Variants in ZNF391 observed in about 807,000 individuals in gnomAD.
ZNF391 encodes the protein zinc finger protein 391.
For synonymous variants in ZNF391, 126 were observed against 142.1 expected, an observed-to-expected ratio of 0.89 and a Z score of 0.80; for missense variants, 375 against 425.5, an observed-to-expected ratio of 0.88 and a Z score of 1.04.
At chr6:27,381,082 G>C (rs948765317) in intron 1 of ZNF391, among the ~76,000 whole-genome samples, 1 of 152,254 alleles carries the variant, frequency 6.6e-6, no homozygotes, top group Non-Finnish European at 1.5e-5. Flanking sequence ...TTCAGCCCTT[G>C]GGTGGTTGAT....
intron 1 of ZNF391, chr6:27,391,159 A>G (rs944870722): frequency 6.8e-6 from 1 of 147,114 alleles, no homozygotes; most frequent in Non-Finnish European, 1.5e-5. Context: ...CATTTTCTTT[A>G]TATCTGAGAG....
intron 1 of ZNF391, among the ~76,000 whole-genome samples, chr6:27,397,629 A>G (rs763869584): frequency 3.9e-5 from 6 of 152,088 alleles, no homozygotes; most frequent in Non-Finnish European, 7.4e-5. Flanking sequence ...AAAGTATGCA[A>G]TTGGATCTTT....
upstream of ZNF391, among the ~76,000 whole-genome samples, chr6:27,384,479 AAAAAGAGAG>A (rs70981159): frequency 0.36 from 37,908 of 106,096 alleles, 4,909 homozygotes; most frequent in Middle Eastern, 0.48. Context: ...AAAAAAAAAA[AAAAAGAGAG>A]AGAGAGAGAG....
At chr6:27,381,469 CGGCTCCGGCCTTGGCCAGCCCAGAAAGG>C (rs1761506392) in intron 1 of ZNF391, among the ~76,000 whole-genome samples, 1 of 152,260 alleles carries the variant, frequency 6.6e-6, no homozygotes, top group Non-Finnish European at 1.5e-5. Context: ...CTGAGGGAGC[CGGCTCCGGCCTTGGCCAGCCCAGAAAGG>C]GGCTCCCACA....
chr6:27,387,204 A>G (rs568581712), upstream of ZNF391, among the ~76,000 whole-genome samples: 27 of 152,348 alleles, frequency 1.8e-4, 1 homozygote, highest in South Asian at 3.7e-3. Flanking sequence ...ACAGAAGTTA[A>G]CAAGTGTTAG....
chr6:27,392,701 G>A lies in ZNF391; in HGVS notation c.-188+3626G>A, dbSNP rs1761740889. Among the ~76,000 whole-genome samples, 3 of 152,204 alleles carry A rather than the reference G, an allele frequency of 2.0e-5. No homozygotes were observed. In the South Asian group the frequency reaches 6.2e-4, roughly 31 times the overall value. The stretch of plus-strand genomic sequence containing the variant: ...CTGATAACCTTCTGACATCAGTGGA[G>A]TTTAGTTTCTTGGCCATTTACAGGC... On this transcript the variant is annotated intron_variant, in intron 1 of 2. Transcript: ENST00000244576.
intron 1 of ZNF391, among the ~76,000 whole-genome samples, chr6:27,375,903 A>G (rs1761410147): frequency 6.6e-6 from 1 of 152,194 alleles, no homozygotes; most frequent in African/African-American, 2.4e-5. Context: ...GAGCATAGGA[A>G]CTCAAAGACA....
Position 27,402,094 on chromosome 6 carries a change from C to T in ZNF391, c.*647C>T, listed in dbSNP as rs10946913. On this transcript the variant is annotated 3_prime_UTR_variant, in exon 3 of 3. Coordinates refer to ENST00000244576, the MANE Select transcript of ZNF391 (RefSeq NM_001076781.3). ...TGCAGTAGCATTTTTCCTCAAAGTA[C>T]AACTCATTTTTTTACTAACGCCTAA... 108,386 of 152,036 alleles carry T rather than the reference C, an allele frequency of 0.71. 38,823 individuals carry two copies. The highest frequency in any genetic ancestry group is 0.82 in the Middle Eastern group (241 of 294). The allele number at this position is 152,036 out of a possible 1,614,324, so 9.4% of individuals were successfully genotyped here.
In ZNF391 at chr6:27,389,004, C is replaced by G. The variant is rs188001937; in HGVS notation, c.-259C>G. ...CAGGTTCCGCTCCAAGTGCGGGACC[C>G]GCCCGGGGTGTGTCGGGGGTACTCG... On this transcript the variant is annotated 5_prime_UTR_variant, in exon 1 of 3. Transcript: ENST00000244576. 1.1e-5 allele frequency: 5 copies of G among 456,360 alleles called. No homozygotes were observed. The highest frequency in any genetic ancestry group is 2.4e-5 in the Admixed American group (1 of 42,472). The allele number at this position is 456,360 out of a possible 1,614,324, so 28.3% of individuals were successfully genotyped here.
chr6:27,375,977 G>A (rs1363121109), intron 1 of ZNF391, among the ~76,000 whole-genome samples: 1 of 152,142 alleles, frequency 6.6e-6, no homozygotes, highest in Non-Finnish European at 1.5e-5. Flanking sequence ...CTTCGGGTTC[G>A]CCCTATGTAA....
chr6:27,377,577 C>A lies in ZNF391; in HGVS notation n.523+2440C>A, dbSNP rs564468747. On this transcript the variant is annotated intron_variant and non_coding_transcript_variant, in intron 1 of 2. Transcript: ENST00000477999. Reference sequence around the variant, plus strand: ...TAACCTGGAAGCTCCCTCCCAGCTTCATGTCTTCCTGACTTTGCTTCAAGT... The same window carrying A: ...TAACCTGGAAGCTCCCTCCCAGCTTAATGTCTTCCTGACTTTGCTTCAAGT... 2.2e-4 allele frequency among the ~76,000 whole-genome samples: 33 copies of A among 152,348 alleles called. No homozygotes were observed. In the South Asian group the frequency reaches 5.8e-3, roughly 27 times the overall value.
chr6:27,375,755 G>A (rs992074221), intron 1 of ZNF391, among the ~76,000 whole-genome samples: 2 of 152,136 alleles, frequency 1.3e-5, no homozygotes, highest in Admixed American at 1.3e-4. Context: ...CAGCTATAAA[G>A]TGTCATAATT....
chr6:27,388,879 A>C lies in ZNF391; in HGVS notation c.-384A>C, dbSNP rs1312357294. Reference sequence around the variant, plus strand: ...CATGATCAGCAGCAGTCTGAGTGGAAGAGTGCCTGTGATCTTAGGGAACCT... The same window carrying C: ...CATGATCAGCAGCAGTCTGAGTGGACGAGTGCCTGTGATCTTAGGGAACCT... On this transcript the variant is annotated 5_prime_UTR_variant, in exon 1 of 3. Coordinates refer to ENST00000244576, the MANE Select transcript of ZNF391 (RefSeq NM_001076781.3). 6.6e-6 allele frequency: 3 copies of C among 455,934 alleles called. No individual in the cohort carries two copies. The allele number at this position is 455,934 out of a possible 1,614,324, so 28.2% of individuals were successfully genotyped here.
intron 1 of ZNF391, 80 bp from the exon 2 acceptor site, chr6:27,399,362 A>G (rs1761900160): frequency 6.6e-6 from 1 of 152,260 alleles, no homozygotes; most frequent in Non-Finnish European, 1.5e-5. Context: ...TTCTATAGAT[A>G]AAAACACTGA....
At position 27,376,772 on chromosome 6, in the gene ZNF391, G is replaced by T. The variant is rs1277625152; in HGVS notation, n.523+1635G>T. Among the ~76,000 whole-genome samples the T allele has an allele frequency of 6.6e-6, 1 of 152,170 alleles. No individual in the cohort carries two copies. The highest frequency in any genetic ancestry group is 1.9e-4 in the East Asian group (1 of 5,192). The stretch of plus-strand genomic sequence containing the variant: ...GGCGGCTGAGGCAGGAGAATTGCTT[G>T]AACCCAGGAGGTGGAGGTTGCAGTG... On this transcript the variant is annotated intron_variant and non_coding_transcript_variant, in intron 1 of 2. Transcript: ENST00000477999. The surrounding 1 kb of genome is among the most constrained non-coding windows in gnomAD (Gnocchi z 4.7).
chr6:27,387,486 T>C (rs934194384), upstream of ZNF391, among the ~76,000 whole-genome samples: 1 of 152,204 alleles, frequency 6.6e-6, no homozygotes, highest in African/African-American at 2.4e-5. Context: ...AAACAAAATA[T>C]TATGTATGTA....
rs1163305634 is a variant in ZNF391, at chr6:27,403,140, C to T, written c.*1693C>T. On this transcript the variant is annotated 3_prime_UTR_variant, in exon 3 of 3. Coordinates refer to ENST00000244576, the MANE Select transcript of ZNF391 (RefSeq NM_001076781.3). ...TATCTAGCTCCTTACTAAACTACTA[C>T]TTTGTTAAAAAAAAATAGTCGTTTC... 1 of 90,248 alleles carries T rather than the reference C, an allele frequency of 1.1e-5. No homozygotes were observed. The highest frequency in any genetic ancestry group is 2.5e-5 in the Non-Finnish European group (1 of 39,988). The allele number at this position is 90,248 out of a possible 1,614,324, so 5.6% of individuals were successfully genotyped here.
chr6:27,401,537 GTTC>G lies in ZNF391; in HGVS notation c.*92_*94del. On this transcript the variant is annotated 3_prime_UTR_variant, in exon 3 of 3. Coordinates refer to ENST00000244576, the MANE Select transcript of ZNF391 (RefSeq NM_001076781.3). ...ATATATTTCAAGTATATATATACTT[GTTC>G]TAATTTTCTTTTATTAGATACCTAT... 4 of 997,998 alleles carry G rather than the reference GTTC, an allele frequency of 4.0e-6. No homozygotes were observed. Among genetic ancestry groups the G allele is most frequent in the Non-Finnish European group, 5.7e-6 (4 of 707,324 alleles). The allele number at this position is 997,998 out of a possible 1,614,324, so 61.8% of individuals were successfully genotyped here.
In ZNF391 at chr6:27,388,852, A is replaced by G; in HGVS notation, c.-411A>G. The G allele has an allele frequency of 2.2e-6, 1 of 452,058 alleles. No homozygotes were observed. The highest frequency in any genetic ancestry group is 4.4e-6 in the Non-Finnish European group (1 of 225,738). The allele number at this position is 452,058 out of a possible 1,614,324, so 28.0% of individuals were successfully genotyped here. ...ATGACTGGTCCCGCATACCGAGCAGAGCATGATCAGCAGCAGTCTGAGTGG... is the reference window on the plus strand; with the variant it reads ...ATGACTGGTCCCGCATACCGAGCAGGGCATGATCAGCAGCAGTCTGAGTGG... On this transcript the variant is annotated 5_prime_UTR_variant, in exon 1 of 3. Coordinates refer to ENST00000244576, the MANE Select transcript of ZNF391 (RefSeq NM_001076781.3).
Sources: allele counts gnomAD v4.1 joint callset (sites outside exome capture counted in the v4.1 genomes callset), GRCh38; gene constraint gnomAD v4.1.1; non-coding constraint Gnocchi (gnomAD v3.1); transcripts MANE v1.5; gene names NCBI Gene and HGNC (gene_info 2026-07-23, HGNC 2026-07-21).